Variants in TMEM117 observed in about 807,000 individuals in gnomAD.
The protein encoded by TMEM117 is transmembrane protein 117.
A neutral mutation model predicts 52.4 loss-of-function variants in TMEM117; 27 were observed. The observed-to-expected ratio is 0.51, with a 90% CI of 0.38 to 0.71. The LOEUF (loss-of-function observed/expected upper bound fraction) is 0.71, where lower values mean the gene tolerates loss of function less well. TMEM117 is among the 30% of genes least tolerant of loss of function. The pLI, the probability that TMEM117 is intolerant of heterozygous loss-of-function variation, is 0.00. For synonymous variants in TMEM117, 215 were observed against 206.3 expected (o/e 1.04, Z -0.36); for missense variants, 556 against 630.5 (o/e 0.88, Z 1.26).
intron 5 of TMEM117, among the ~76,000 whole-genome samples, chr12:44,220,286 A>G (rs1949771288): frequency 6.6e-6 from 1 of 152,152 alleles, no homozygotes; most frequent in Admixed American, 6.6e-5. Context: ...TGAATGGTAG[A>G]TGACAGAATC....
chr12:44,276,599 G>A (rs1412785013), intron 5 of TMEM117, among the ~76,000 whole-genome samples: 2 of 152,038 alleles, frequency 1.3e-5, no homozygotes, highest in East Asian at 3.8e-4. Flanking sequence ...ATAACACTAT[G>A]TTGTATACTT....
intron 6 of TMEM117, among the ~76,000 whole-genome samples, chr12:44,361,097 A>G (rs1951715073): frequency 6.6e-6 from 1 of 152,186 alleles, no homozygotes; most frequent in Admixed American, 6.5e-5. Flanking sequence ...ACATTTTTTC[A>G]CAGACTCTAA....
At chr12:44,075,747 G>A (rs1268054468) in intron 3 of TMEM117, among the ~76,000 whole-genome samples, 1 of 152,090 alleles carries the variant, frequency 6.6e-6, no homozygotes, top group East Asian at 1.9e-4. Flanking sequence ...CTGTAGACTT[G>A]TGCCTTGGGG....
At chr12:43,809,360 A>G in the TMEM117 span, among the ~76,000 whole-genome samples, 2,442 of 152,284 alleles carry the variant, frequency 0.016, 26 homozygotes, top group South Asian at 0.04. Context: ...AACACATAGA[A>G]GTTGTATGAC....
chr12:44,105,934 G>C lies in TMEM117; in HGVS notation c.411-37591G>C, dbSNP rs536260513. On this transcript the variant is annotated intron_variant, in intron 3 of 7. Coordinates refer to ENST00000266534, the MANE Select transcript of TMEM117 (RefSeq NM_032256.3). ...TGAGAACCTGGTAGAGTTCCAGGAAGTAAAACTTCTAAATTTCGGTACCTT... is the reference window on the plus strand; with the variant it reads ...TGAGAACCTGGTAGAGTTCCAGGAACTAAAACTTCTAAATTTCGGTACCTT... Among the ~76,000 whole-genome samples, 4 of 152,160 alleles carry C rather than the reference G, an allele frequency of 2.6e-5. No individual in the cohort carries two copies. In the South Asian group the frequency reaches 8.3e-4, roughly 32 times the overall value.
chr12:44,015,209 A>C (rs1017301354), intron 3 of TMEM117, among the ~76,000 whole-genome samples: 2 of 152,306 alleles, frequency 1.3e-5, no homozygotes, highest in Admixed American at 1.3e-4. Flanking sequence ...TAAAAAAATA[A>C]GTGAAAAAGA....
chr12:44,365,177 C>T (rs1332194650), intron 6 of TMEM117, among the ~76,000 whole-genome samples: 1 of 152,022 alleles, frequency 6.6e-6, no homozygotes, highest in Non-Finnish European at 1.5e-5. Context: ...TCTCAGCCTG[C>T]ATATTTTGTA....
At chr12:43,933,665 C>G (rs1157168052) in intron 2 of TMEM117, among the ~76,000 whole-genome samples, 3 of 152,044 alleles carry the variant, frequency 2.0e-5, no homozygotes, top group Admixed American at 1.3e-4. Context: ...CGGGTTCAAG[C>G]TATTCTTCTG....
At chr12:43,825,323 T>C in the TMEM117 span, among the ~76,000 whole-genome samples, 2 of 152,176 alleles carry the variant, frequency 1.3e-5, no homozygotes, top group African/African-American at 4.8e-5. Flanking sequence ...ATTGATTTCA[T>C]TAGTTTGGCT....
chr12:43,904,136 T>C (rs1944347320), intron 2 of TMEM117, among the ~76,000 whole-genome samples: 3 of 152,354 alleles, frequency 2.0e-5, no homozygotes, highest in East Asian at 1.9e-4. Context: ...TTAAAAAGAA[T>C]GATTTCTTAA....
intron 5 of TMEM117, among the ~76,000 whole-genome samples, chr12:44,254,649 G>GAT (rs202150637): frequency 1.5e-3 from 229 of 149,502 alleles, no homozygotes; most frequent in Middle Eastern, 3.5e-3. Flanking sequence ...GAAAGTACCA[G>GAT]ATATATATAT....
the TMEM117 span, among the ~76,000 whole-genome samples, chr12:43,826,483 AACT>A: frequency 6.6e-6 from 1 of 152,134 alleles, no homozygotes; most frequent in African/African-American, 2.4e-5. Context: ...CCACCCACCT[AACT>A]ATAGACTTCT....
At chr12:43,850,896 T>C (rs953732784) in intron 2 of TMEM117, among the ~76,000 whole-genome samples, 3 of 151,978 alleles carry the variant, frequency 2.0e-5, no homozygotes, top group Admixed American at 6.6e-5. Flanking sequence ...GATGATGATG[T>C]TGTGTGTATG....
At chr12:44,143,414 C>T (rs1198446180) in intron 3 of TMEM117, 111 bp from the exon 4 acceptor site, 1 of 706,874 alleles carries the variant, frequency 1.4e-6, no homozygotes. Flanking sequence ...GGACAAGAGC[C>T]AGACAGCTTG....
chr12:43,948,128 A>G (rs1297409630), intron 3 of TMEM117, among the ~76,000 whole-genome samples: 2 of 152,070 alleles, frequency 1.3e-5, no homozygotes, highest in Admixed American at 1.3e-4. Context: ...TGGGGAGCCA[A>G]GCTGAAAGGC....
intron 3 of TMEM117, among the ~76,000 whole-genome samples, chr12:43,958,612 C>CT (rs1945346279): frequency 6.6e-6 from 1 of 152,166 alleles, no homozygotes; most frequent in African/African-American, 2.4e-5. Flanking sequence ...GGAATAGACT[C>CT]TGTCTCTCTG....
At chr12:44,039,892 GA>G (rs1946770270) in intron 3 of TMEM117, among the ~76,000 whole-genome samples, 1 of 152,006 alleles carries the variant, frequency 6.6e-6, no homozygotes, top group African/African-American at 2.4e-5. Context: ...TTATTTCCTG[GA>G]ATAGACCCTG....
At chr12:44,048,342 T>C in intron 3 of TMEM117, among the ~76,000 whole-genome samples, 1 of 152,198 alleles carries the variant, frequency 6.6e-6, no homozygotes, top group Non-Finnish European at 1.5e-5. Context: ...TTGTTTTCTA[T>C]TTCTTTGATT....
chr12:44,250,301 C>A (rs976594472), intron 5 of TMEM117, among the ~76,000 whole-genome samples: 12 of 152,158 alleles, frequency 7.9e-5, no homozygotes, highest in African/African-American at 2.7e-4. Flanking sequence ...CCAGTTCGCA[C>A]CAGTCACAAT....
Sources: allele counts gnomAD v4.1 joint callset (sites outside exome capture counted in the v4.1 genomes callset), GRCh38; gene constraint gnomAD v4.1.1; transcripts MANE v1.5; gene names NCBI Gene and HGNC (gene_info 2026-07-23, HGNC 2026-07-21).